SMAD3: variants seen among roughly 807,000 people sequenced by gnomAD.
SMAD3 encodes the protein MAD homolog 3.
SMAD3 carries 12 observed loss-of-function variants against 51.8 expected under a neutral mutation model. The ratio of observed to expected loss-of-function variants is 0.23; its 90% CI spans 0.15 to 0.38. SMAD3 has a LOEUF of 0.38. SMAD3 is among the 10% of genes least tolerant of loss of function. SMAD3 has a pLI of 1.00. For synonymous variants in SMAD3, 238 were observed against 227.7 expected, an observed-to-expected ratio of 1.05 and a Z score of -0.41; for missense variants, 294 against 565.6, an observed-to-expected ratio of 0.52 and a Z score of 4.87.
chr15:67,117,542 T>C (rs547277018), intron 1 of SMAD3, among the ~76,000 whole-genome samples: 10 of 152,106 alleles, frequency 6.6e-5, no homozygotes, highest in Admixed American at 1.3e-4. Context: ...ACCAGGTCCC[T>C]GGTGGAGTTC....
chr15:67,181,036 A>G (rs1232589272), intron 5 of SMAD3, among the ~76,000 whole-genome samples: 1 of 152,240 alleles, frequency 6.6e-6, no homozygotes, highest in African/African-American at 2.4e-5. Flanking sequence ...CTTTACACAC[A>G]AGGCTGATGG....
intron 1 of SMAD3, among the ~76,000 whole-genome samples, chr15:67,151,683 A>AT (rs1378979752): frequency 2.0e-5 from 3 of 152,024 alleles, no homozygotes; most frequent in Non-Finnish European, 2.9e-5. Context: ...AAAATATTTG[A>AT]TTTTTTTAAA....
At chr15:67,094,228 G>A (rs1340346113) in intron 1 of SMAD3, among the ~76,000 whole-genome samples, 2 of 152,196 alleles carry the variant, frequency 1.3e-5, no homozygotes, top group African/African-American at 4.8e-5. Context: ...ACCATCAGAT[G>A]TTCCCCTACG....
intron 1 of SMAD3, among the ~76,000 whole-genome samples, chr15:67,155,844 G>A (rs574737128): frequency 5.9e-4 from 90 of 152,112 alleles, no homozygotes; most frequent in Non-Finnish European, 1.1e-3. Flanking sequence ...AAATTTAGCC[G>A]GGTGTGGTGG....
chr15:67,193,176 CTT>C lies in SMAD3; in HGVS notation c.*2645_*2646del, dbSNP rs1301902781. 2 of 233,196 alleles carry C rather than the reference CTT, an allele frequency of 8.6e-6. No individual in the cohort carries two copies. The highest frequency in any genetic ancestry group is 5.6e-5 in the Admixed American group (1 of 17,780). The allele number at this position is 233,196 out of a possible 1,614,324, so 14.4% of individuals were successfully genotyped here. ...TGAATGGCATTTGTATATTAAAACA[CTT>C]TTTTAAAGGACAGTTGAAAAGGGCA... On this transcript the variant is annotated 3_prime_UTR_variant, in exon 9 of 9. Transcript: ENST00000327367.
rs774868030 is a variant in SMAD3, at chr15:67,165,393, G to T, written c.532+9G>T. On this transcript the variant is annotated intron_variant, in intron 3 of 8. Coordinates refer to ENST00000327367, the MANE Select transcript of SMAD3 (RefSeq NM_005902.4). ...CCAGAGCAATATTCCAGGTAGGCAC[G>T]TGGGCGGCACAGGCTGGCCTGGGAG... The T allele has an allele frequency of 5.0e-6, 8 of 1,613,886 alleles. No individual in the cohort carries two copies. The South Asian group carries it at 7.7e-5, about 16-fold the overall frequency.
chr15:67,148,359 G>T (rs1334029278), intron 1 of SMAD3, among the ~76,000 whole-genome samples: 1 of 152,180 alleles, frequency 6.6e-6, no homozygotes, highest in Admixed American at 6.5e-5. Flanking sequence ...CCCAGTGTGG[G>T]CCATATATCT....
At chr15:67,096,590 G>A (rs1960619458) in intron 1 of SMAD3, among the ~76,000 whole-genome samples, 1 of 151,354 alleles carries the variant, frequency 6.6e-6, no homozygotes, top group Non-Finnish European at 1.5e-5. Flanking sequence ...TCAAGAGAGA[G>A]ACTGTGGAGG....
chr15:67,195,050 TTTATATC>T lies in SMAD3; in HGVS notation c.*4518_*4524del. On this transcript the variant is annotated 3_prime_UTR_variant, in exon 9 of 9. Transcript: ENST00000327367. ...TATAGTGTTTTAGATTTTTCTAACT[TTTATATC>T]TTAAAAGCAGAGCACCTGTTTAAGC... 4.3e-6 allele frequency: 1 copy of T among 233,630 alleles called. No individual in the cohort carries two copies. Among genetic ancestry groups the T allele is most frequent in the Non-Finnish European group, 8.5e-6 (1 of 117,910 alleles). 14.5% of individuals were successfully genotyped at this position (233,630 alleles called of 1,614,324 possible).
intron 1 of SMAD3, among the ~76,000 whole-genome samples, chr15:67,132,129 A>T (rs1482348888): frequency 6.6e-6 from 1 of 152,158 alleles, no homozygotes; most frequent in Non-Finnish European, 1.5e-5. Flanking sequence ...GGTGTCTTGG[A>T]GGATAACTAG....
intron 1 of SMAD3, among the ~76,000 whole-genome samples, chr15:67,093,712 G>A (rs1960555428): frequency 6.6e-6 from 1 of 152,222 alleles, no homozygotes. Flanking sequence ...CGGGGTGCCT[G>A]CTGACTTGCA....
At chr15:67,083,934 G>A (rs937912930) in intron 1 of SMAD3, among the ~76,000 whole-genome samples, 4 of 152,122 alleles carry the variant, frequency 2.6e-5, no homozygotes, top group African/African-American at 2.4e-5. Flanking sequence ...CTCTCTTGCT[G>A]GTGGAGATGG....
intron 1 of SMAD3, among the ~76,000 whole-genome samples, chr15:67,102,278 T>C (rs916447779): frequency 1.4e-5 from 2 of 146,502 alleles, no homozygotes; most frequent in African/African-American, 5.0e-5. Context: ...GCGGTGTGTG[T>C]GTGCATGCTC....
chr15:67,142,841 C>T (rs1961867376), intron 1 of SMAD3: 1 of 454,394 alleles, frequency 2.2e-6, no homozygotes, highest in African/African-American at 2.0e-5. Flanking sequence ...CTGGTGGGCA[C>T]CCCATGTAGA....
At chr15:67,188,148 C>CTTTTTT (rs11367565) in intron 8 of SMAD3, among the ~76,000 whole-genome samples, 398 of 115,902 alleles carry the variant, frequency 3.4e-3, no homozygotes, top group East Asian at 6.1e-3. Context: ...TTTTCTTTTT[C>CTTTTTT]TTTTTTTTTT....
intron 1 of SMAD3, among the ~76,000 whole-genome samples, chr15:67,078,443 A>G (rs1960216529): frequency 6.6e-6 from 1 of 152,240 alleles, no homozygotes; most frequent in Admixed American, 6.5e-5. Context: ...ATCAGTGGAA[A>G]CTACCTAAAT....
At chr15:67,086,016 TG>T (rs1960385137) in intron 1 of SMAD3, among the ~76,000 whole-genome samples, 1 of 151,756 alleles carries the variant, frequency 6.6e-6, no homozygotes, top group Admixed American at 6.6e-5. Context: ...TCTGGGTCAG[TG>T]GTTTCTCAAC....
At chr15:67,086,259 G>A (rs1013689789) in intron 1 of SMAD3, among the ~76,000 whole-genome samples, 6 of 152,098 alleles carry the variant, frequency 3.9e-5, no homozygotes, top group Non-Finnish European at 2.9e-5. Flanking sequence ...AGGCTGTAGG[G>A]GTGTGTGTTA....
At chr15:67,166,725 T>C in intron 3 of SMAD3, 54 bp from the exon 4 acceptor site, 1 of 1,265,262 alleles carries the variant, frequency 7.9e-7, no homozygotes, top group Non-Finnish European at 1.1e-6. Context: ...AAAAGGTGTC[T>C]CAGAGCCAAG....
Sources: gnomAD v4.1 joint callset for allele counts (sites outside exome capture counted in the v4.1 genomes callset) on GRCh38, gnomAD v4.1.1 for gene constraint, MANE v1.5 for transcripts, NCBI Gene and HGNC (gene_info 2026-07-23, HGNC 2026-07-21) for gene names.